Variants in PRUNE2 observed in about 807,000 individuals in gnomAD.
PRUNE2 encodes prune homolog 2 with BCH domain.
Under a neutral mutation model 252.0 loss-of-function variants are expected in PRUNE2, and 164 were observed. The ratio of observed to expected loss-of-function variants is 0.65; its 90% CI spans 0.57 to 0.74. The LOEUF (loss-of-function observed/expected upper bound fraction) is 0.74, where lower values mean the gene tolerates loss of function less well. Among genes scored for constraint, PRUNE2 ranks in the 30% least tolerant of loss-of-function variants. PRUNE2 has a pLI of 0.00. For synonymous variants in PRUNE2, 1,292 were observed against 1,350.2 expected (o/e 0.96, Z 0.94); for missense variants, 3,495 against 3,711.0 (o/e 0.94, Z 1.51).
At chr9:76,869,295 G>A (rs1169752430) in intron 1 of PRUNE2, 4 of 152,176 alleles carry the variant, frequency 2.6e-5, no homozygotes, top group African/African-American at 4.8e-5. Flanking sequence ...TTTCCAGTAC[G>A]GTGCAGGTAT....
chr9:76,719,745 T>A (rs193085647), intron 6 of PRUNE2, among the ~76,000 whole-genome samples: 1 of 152,042 alleles, frequency 6.6e-6, no homozygotes, highest in African/African-American at 2.4e-5. Flanking sequence ...CCTCCTAGGC[T>A]CAAGCTGTTC....
chr9:76,709,852 G>C lies in PRUNE2; in HGVS notation c.2422C>G (p.His808Asp). The C allele has an allele frequency of 6.2e-7, 1 of 1,613,880 alleles. No individual in the cohort carries two copies. The highest frequency in any genetic ancestry group is 8.5e-7 in the Non-Finnish European group (1 of 1,179,850). The change falls in exon 8 of 19, where the codon CAT becomes GAT. Residue 808 changes from histidine (H) to aspartate (D), a missense_variant. Coordinates refer to ENST00000376718, the MANE Select transcript of PRUNE2 (RefSeq NM_015225.3). ...PAWSAFGKEDHDEALKNTWNL... is the reference protein window; with the variant it reads ...PAWSAFGKEDDDEALKNTWNL... ...CAGGTATTTTTTAAAGCTTCATCAT[G>C]ATCTTCTTTACCAAATGCACTCCAG...
intron 9 of PRUNE2, among the ~76,000 whole-genome samples, chr9:76,698,992 A>T (rs2045642305): frequency 6.6e-6 from 1 of 151,932 alleles, no homozygotes; most frequent in Non-Finnish European, 1.5e-5. Context: ...ATACTGTTTC[A>T]AAAGTACATG....
At chr9:76,673,042 A>ATC (rs1449033882) in intron 9 of PRUNE2, among the ~76,000 whole-genome samples, 1 of 151,826 alleles carries the variant, frequency 6.6e-6, no homozygotes, top group African/African-American at 2.4e-5. Flanking sequence ...AAGGCAAAAA[A>ATC]TAACTAAAAT....
chr9:76,649,612 T>TAGATAGATA (rs1554795862), intron 11 of PRUNE2, among the ~76,000 whole-genome samples: 16 of 149,868 alleles, frequency 1.1e-4, no homozygotes, highest in Non-Finnish European at 1.6e-4. Flanking sequence ...GATAGATAGA[T>TAGATAGATA]GATAGATAGA....
intron 6 of PRUNE2, among the ~76,000 whole-genome samples, chr9:76,721,799 C>T (rs1424733537): frequency 2.0e-5 from 3 of 151,968 alleles, no homozygotes; most frequent in South Asian, 2.1e-4. Flanking sequence ...TTTTTAAAAT[C>T]GAGATATAAG....
intron 4 of PRUNE2, among the ~76,000 whole-genome samples, chr9:76,839,458 CA>C (rs1361866629): frequency 6.6e-6 from 1 of 152,144 alleles, no homozygotes; most frequent in African/African-American, 2.4e-5. Context: ...TGTAAATCAT[CA>C]AGAGTGGAAA....
chr9:76,865,465 A>T (rs1294414277), intron 1 of PRUNE2, among the ~76,000 whole-genome samples: 1 of 152,260 alleles, frequency 6.6e-6, no homozygotes, highest in Admixed American at 6.5e-5. Context: ...CTCACTGTAC[A>T]ATGAACAAGG....
Position 76,688,535 on chromosome 9 carries a change from C to T in PRUNE2, c.8276+14802G>A, listed in dbSNP as rs529502909. On this transcript the variant is annotated intron_variant, in intron 9 of 18. Coordinates refer to ENST00000376718, the MANE Select transcript of PRUNE2 (RefSeq NM_015225.3). ...TCTGTGGGCACCTCCCCAGTAGGTTCTCATCTTCCTCAATTTTCATGCCCT... is the reference window on the plus strand; with the variant it reads ...TCTGTGGGCACCTCCCCAGTAGGTTTTCATCTTCCTCAATTTTCATGCCCT... Among the ~76,000 whole-genome samples the T allele has an allele frequency of 5.0e-4, 76 of 152,278 alleles. No homozygotes were observed. In the South Asian group the frequency reaches 0.015, roughly 30 times the overall value.
At chr9:76,828,610 CA>C (rs1445365595) in intron 4 of PRUNE2, among the ~76,000 whole-genome samples, 1 of 152,166 alleles carries the variant, frequency 6.6e-6, no homozygotes. Flanking sequence ...AGTCAGCACA[CA>C]GAACTAAACA....
At chr9:76,669,376 G>C (rs2040861281) in intron 9 of PRUNE2, among the ~76,000 whole-genome samples, 1 of 151,894 alleles carries the variant, frequency 6.6e-6, no homozygotes. Context: ...CTGGAGTGCA[G>C]TGGCGTGATC....
intron 12 of PRUNE2, among the ~76,000 whole-genome samples, chr9:76,641,710 G>A (rs569104059): frequency 7.5e-6 from 1 of 133,004 alleles, no homozygotes; most frequent in South Asian, 2.6e-4. Flanking sequence ...AATTCAAGGT[G>A]TATGTGCTGG....
chr9:76,898,634 T>A (rs1370935269), intron 1 of PRUNE2, among the ~76,000 whole-genome samples: 1 of 151,240 alleles, frequency 6.6e-6, no homozygotes, highest in Non-Finnish European at 1.5e-5. Flanking sequence ...AGTAAAAAAA[T>A]TAAAACAACT....
intron 9 of PRUNE2, chr9:76,687,717 C>T: frequency 3.7e-6 from 1 of 269,066 alleles, no homozygotes; most frequent in Non-Finnish European, 7.9e-6. Context: ...TCGGGGGAGG[C>T]TGTATTACAA....
intron 1 of PRUNE2, among the ~76,000 whole-genome samples, chr9:76,858,903 G>C (rs930085104): frequency 3.9e-5 from 6 of 152,106 alleles, no homozygotes; most frequent in Non-Finnish European, 5.9e-5. Context: ...AGCATGTTCA[G>C]CAAATAATTA....
At position 76,640,937 on chromosome 9, in the gene PRUNE2, T is replaced by G. The variant is rs1196497057; in HGVS notation, c.8729-2649A>C. 2.0e-5 allele frequency among the ~76,000 whole-genome samples: 3 copies of G among 152,200 alleles called. No homozygotes were observed. The East Asian group carries it at 5.8e-4, about 29-fold the overall frequency. On this transcript the variant is annotated intron_variant, in intron 12 of 18. Transcript: ENST00000376718. Reference sequence around the variant, plus strand: ...ACAGTAATTTCAAGATCATGACCACTCAGTTACTTTGATTTCTTTCTTTAT... The same window carrying G: ...ACAGTAATTTCAAGATCATGACCACGCAGTTACTTTGATTTCTTTCTTTAT...
intron 3 of PRUNE2, among the ~76,000 whole-genome samples, chr9:76,847,330 A>T (rs1001422613): frequency 1.5e-5 from 2 of 136,286 alleles, no homozygotes; most frequent in East Asian, 4.0e-4. Flanking sequence ...TGTCTCAGGG[A>T]AAAAAAAAAA....
intron 6 of PRUNE2, among the ~76,000 whole-genome samples, chr9:76,782,298 G>A (rs577754825): frequency 1.3e-5 from 2 of 152,282 alleles, no homozygotes; most frequent in Admixed American, 6.5e-5. Context: ...TCTCAGAAAG[G>A]GAAAGAATGA....
At chr9:76,831,979 C>CA (rs1160614586) in intron 4 of PRUNE2, among the ~76,000 whole-genome samples, 2 of 152,026 alleles carry the variant, frequency 1.3e-5, no homozygotes, top group African/African-American at 4.8e-5. Flanking sequence ...TAATATCAAA[C>CA]AAAACGGACT....
Sources: gnomAD v4.1 joint callset for allele counts (sites outside exome capture counted in the v4.1 genomes callset) on GRCh38, gnomAD v4.1.1 for gene constraint, MANE v1.5 for transcripts, NCBI Gene and HGNC (gene_info 2026-07-23, HGNC 2026-07-21) for gene names.